The following P4HA2 variants were observed in gnomAD, a reference collection of about 807,000 sequenced individuals.
P4HA2 encodes prolyl 4-hydroxylase subunit alpha 2.
Under a neutral mutation model 76.9 loss-of-function variants are expected in P4HA2, and 46 were observed. That is an observed-to-expected ratio of 0.60 (90% CI 0.47 to 0.76). P4HA2 has a LOEUF of 0.76. Among genes scored for constraint, P4HA2 ranks in the 30% least tolerant of loss-of-function variants. The pLI is 0.00. For missense variants in P4HA2, 583 were observed against 669.4 expected, an observed-to-expected ratio of 0.87 and a Z score of 1.42; for synonymous variants, 243 against 254.0, an observed-to-expected ratio of 0.96 and a Z score of 0.41.
At chr5:132,202,909 G>C (rs1455079833) in intron 10 of P4HA2, 1 of 152,190 alleles carries the variant, frequency 6.6e-6, no homozygotes, top group Non-Finnish European at 1.5e-5. Flanking sequence ...TTCTTTCTTT[G>C]TTCTGACTGA....
In P4HA2 at chr5:132,191,997, C is replaced by G. The variant is rs1240490423; in HGVS notation, c.*1013G>C. ...TAAAACAATGTTGAACAAAAGAAGCCACATACCCAAAAATATTTACTCTCA... is the reference window on the plus strand; with the variant it reads ...TAAAACAATGTTGAACAAAAGAAGCGACATACCCAAAAATATTTACTCTCA... On this transcript the variant is annotated 3_prime_UTR_variant, in exon 15 of 15. Transcript: ENST00000360568. The G allele has an allele frequency of 2.0e-5, 3 of 152,186 alleles. No homozygotes were observed. The highest frequency in any genetic ancestry group is 6.5e-5 in the Admixed American group (1 of 15,284). The allele number at this position is 152,186 out of a possible 1,614,324, so 9.4% of individuals were successfully genotyped here.
At chr5:132,206,208 C>T (rs2126571331) in intron 8 of P4HA2, among the ~76,000 whole-genome samples, 1 of 152,294 alleles carries the variant, frequency 6.6e-6, no homozygotes, top group South Asian at 2.1e-4. Flanking sequence ...GTGTCTGGAA[C>T]TGAAGAACGG....
intron 10 of P4HA2, among the ~76,000 whole-genome samples, chr5:132,199,173 TG>T (rs765625144): frequency 3.3e-5 from 5 of 152,176 alleles, no homozygotes; most frequent in Non-Finnish European, 7.3e-5. Context: ...CAAAACAAGA[TG>T]GGTGAACTGC....
At chr5:132,219,131 C>T (rs758401877) in intron 1 of P4HA2, among the ~76,000 whole-genome samples, 50 of 152,302 alleles carry the variant, frequency 3.3e-4, no homozygotes, top group Non-Finnish European at 5.6e-4. Flanking sequence ...TAATTTGACA[C>T]AATATCCTCC....
At chr5:132,198,468 A>T (rs1751017432) in intron 11 of P4HA2, 88 bp from the exon 12 acceptor site, 7 of 1,211,424 alleles carry the variant, frequency 5.8e-6, no homozygotes, top group Non-Finnish European at 8.4e-6. Flanking sequence ...AGGGAAAAGT[A>T]ATAAGTGTGT....
At chr5:132,217,085 A>G in intron 4 of P4HA2, 112 bp downstream of exon 4, 2 of 994,094 alleles carry the variant, frequency 2.0e-6, no homozygotes, top group South Asian at 1.6e-5. Context: ...TCCTGTTTCC[A>G]CAATGTACTT....
chr5:132,211,376 G>A (rs1326308084), intron 5 of P4HA2, among the ~76,000 whole-genome samples: 2 of 152,170 alleles, frequency 1.3e-5, no homozygotes, highest in African/African-American at 4.8e-5. Context: ...AGGGGAAGTG[G>A]GGGCTGTGAC....
intron 1 of P4HA2, among the ~76,000 whole-genome samples, chr5:132,220,989 T>C (rs1754583531): frequency 6.6e-6 from 1 of 152,182 alleles, no homozygotes; most frequent in Non-Finnish European, 1.5e-5. Flanking sequence ...TCTGGAGCCC[T>C]ACCCCATTTC....
Position 132,213,917 on chromosome 5 carries a change from TG to T in P4HA2, c.467del (p.Pro156GlnfsTer9). On this transcript the variant is annotated frameshift_variant and splice_region_variant, in exon 5 of 15. Transcript: ENST00000360568. LOFTEE classifies it high-confidence loss of function. ...DPGTISRGEL[P>X]GTKYQAMLSV... ...GCAACGCCTGGAGTGGTGAGTTACCTGGAAGTTCCCCTCTGGAAATTGTGCC... is the reference window on the plus strand; with the variant it reads ...GCAACGCCTGGAGTGGTGAGTTACCTGAAGTTCCCCTCTGGAAATTGTGCC... The T allele has an allele frequency of 6.2e-7, 1 of 1,614,036 alleles. No individual in the cohort carries two copies. The highest frequency in any genetic ancestry group is 1.3e-5 in the African/African-American group (1 of 75,044).
chr5:132,199,503 AC>A (rs1751185367), intron 10 of P4HA2: 1 of 152,388 alleles, frequency 6.6e-6, no homozygotes, highest in Non-Finnish European at 1.5e-5. Context: ...GTCAAGAATT[AC>A]CGTGCTACAT....
chr5:132,217,978 A>G (rs919865272), intron 2 of P4HA2, 130 bp from the exon 3 acceptor site: 5 of 595,510 alleles, frequency 8.4e-6, no homozygotes, highest in African/African-American at 3.7e-5. Context: ...TCTGAGGATT[A>G]TGGGGACTTG....
chr5:132,215,989 G>A (rs1378862561), intron 4 of P4HA2, among the ~76,000 whole-genome samples: 2 of 149,690 alleles, frequency 1.3e-5, no homozygotes, highest in Non-Finnish European at 3.0e-5. Context: ...GTGAAACCCT[G>A]TCTCTACTAA....
In P4HA2 at chr5:132,204,092, C is replaced by G; in HGVS notation, c.1141G>C (p.Val381Leu). ...TGVLTVASYR[V>L]SKSSWLEEDD... ...CTGCTCTTTGCTTACCTTTTGGAAA[C>G]CCGGTAGCTGGCGACAGTGAGGACT... is the stretch of plus-strand genomic sequence containing the variant. Residue 381 changes from valine to leucine, a missense_variant, in exon 9 of 15, where the codon GTT (valine) becomes CTT (leucine). Physicochemically the swap from Val to Leu is conservative, Grantham distance 32. Transcript: ENST00000360568. 3 of 1,613,722 alleles carry G rather than the reference C, an allele frequency of 1.9e-6. No homozygotes were observed. Among genetic ancestry groups the G allele is most frequent in the Non-Finnish European group, 2.5e-6 (3 of 1,179,596 alleles).
Position 132,203,813 on chromosome 5 carries a change from C to G in P4HA2, c.1186G>C (p.Ala396Pro). Residue 396 changes from alanine (A) to proline (P), a missense_variant, in exon 10 of 15, where the codon GCC (alanine) becomes CCC (proline). Transcript: ENST00000360568. Reference sequence around the variant, plus strand: ...TGCTGCATCCGACGATTTACTCGGGCCACAACAGGGTCATCATCTTCCTCT... The same window carrying G: ...TGCTGCATCCGACGATTTACTCGGGGCACAACAGGGTCATCATCTTCCTCT... Reference protein sequence around the residue: ...WLEEDDDPVVARVNRRMQHIT... With the variant: ...WLEEDDDPVVPRVNRRMQHIT... The G allele has an allele frequency of 6.2e-7, 1 of 1,613,852 alleles. No homozygotes were observed. The highest frequency in any genetic ancestry group is 1.1e-5 in the South Asian group (1 of 91,062).
chr5:132,213,204 CATT>C (rs1277112648), intron 5 of P4HA2, among the ~76,000 whole-genome samples: 3 of 152,154 alleles, frequency 2.0e-5, no homozygotes, highest in Non-Finnish European at 2.9e-5. Flanking sequence ...AGTTAAAGAA[CATT>C]ATGTGTGAAC....
At position 132,203,815 on chromosome 5, in the gene P4HA2, A is replaced by C; in HGVS notation, c.1184T>G (p.Val395Gly). ...CTGCATCCGACGATTTACTCGGGCC[A>C]CAACAGGGTCATCATCTTCCTCTAG... ...SWLEEDDDPV[V>G]ARVNRRMQHI... Residue 395 changes from valine (V) to glycine (G), a missense_variant, in exon 10 of 15, where the codon GTG (valine) becomes GGG (glycine). Transcript: ENST00000360568. The C allele has an allele frequency of 6.2e-7, 1 of 1,613,940 alleles. No homozygotes were observed. The highest frequency in any genetic ancestry group is 8.5e-7 in the Non-Finnish European group (1 of 1,179,778).
intron 12 of P4HA2, chr5:132,195,722 C>T (rs1277367601): frequency 3.5e-6 from 2 of 567,372 alleles, no homozygotes; most frequent in Non-Finnish European, 6.3e-6. Flanking sequence ...CACAGGAGAC[C>T]CACATCCGGG....
intron 1 of P4HA2, among the ~76,000 whole-genome samples, chr5:132,220,740 C>G (rs1324447608): frequency 1.3e-5 from 2 of 152,190 alleles, no homozygotes; most frequent in Non-Finnish European, 2.9e-5. Flanking sequence ...AGCCTGGAGG[C>G]AGAGCCTCAA....
chr5:132,193,133 G>A, intron 14 of P4HA2, 53 bp from the exon 15 acceptor site: 2 of 1,235,850 alleles, frequency 1.6e-6, no homozygotes, highest in Non-Finnish European at 2.4e-6. Flanking sequence ...TTAGTAGCCT[G>A]AATGAATGAC....
Sources: allele counts gnomAD v4.1 joint callset (sites outside exome capture counted in the v4.1 genomes callset), GRCh38; gene constraint gnomAD v4.1.1; transcripts MANE v1.5; gene names NCBI Gene and HGNC (gene_info 2026-07-23, HGNC 2026-07-21).